ASNS: variants seen among roughly 807,000 people sequenced by gnomAD.
ASNS encodes the protein asparagine synthetase (glutamine-hydrolyzing), also known as asparagine synthetase [glutamine-hydrolyzing].
Under a neutral mutation model 62.6 loss-of-function variants are expected in ASNS, and 37 were observed. The observed-to-expected ratio is 0.59, with a 90% CI of 0.45 to 0.78. The LOEUF (loss-of-function observed/expected upper bound fraction) is 0.78, where lower values mean the gene tolerates loss of function less well. ASNS is among the 30% of genes least tolerant of loss of function. The probability of loss-of-function intolerance (pLI) is 0.00; values close to 1 mark genes in which losing one functional copy is unlikely to be tolerated. For synonymous variants in ASNS, 207 were observed against 237.9 expected (o/e 0.87, Z 1.19); for missense variants, 520 against 682.4 (o/e 0.76, Z 2.65).
the ASNS span, among the ~76,000 whole-genome samples, chr7:97,903,094 C>T: frequency 2.0e-5 from 3 of 152,144 alleles, no homozygotes; most frequent in Non-Finnish European, 2.9e-5. Context: ...GCCAAAATGT[C>T]AGCAGTGTCA....
the ASNS span, among the ~76,000 whole-genome samples, chr7:97,883,428 C>T: frequency 1.4e-4 from 22 of 151,876 alleles, no homozygotes; most frequent in African/African-American, 5.3e-4. Flanking sequence ...CCCACCCAAC[C>T]CACATTCAGT....
intron 1 of ASNS, among the ~76,000 whole-genome samples, chr7:97,870,617 C>T (rs1159155828): frequency 6.6e-6 from 1 of 152,126 alleles, no homozygotes; most frequent in African/African-American, 2.4e-5. Context: ...GACCAAATAG[C>T]CCAAATAGCC....
the ASNS span, among the ~76,000 whole-genome samples, chr7:97,896,677 T>A: frequency 1.5e-5 from 2 of 133,906 alleles, 1 homozygote; most frequent in Non-Finnish European, 3.2e-5. Flanking sequence ...TATATGTGTG[T>A]GTGTATATAT....
intron 1 of ASNS, chr7:97,870,102 T>G: frequency 2.6e-6 from 1 of 392,004 alleles, no homozygotes; most frequent in Non-Finnish European, 4.3e-6. Context: ...AATTTCAAAT[T>G]CTCAACTGTG....
the ASNS span, among the ~76,000 whole-genome samples, chr7:97,927,074 T>TAG: frequency 1.6e-5 from 1 of 62,372 alleles, no homozygotes; most frequent in Admixed American, 1.6e-4. Flanking sequence ...CACCTGGCTT[T>TAG]TTTTTTTTTT....
At chr7:97,928,382 G>C in the ASNS span, 26 of 729,094 alleles carry the variant, frequency 3.6e-5, no homozygotes, top group East Asian at 9.8e-5. Context: ...GTCTGAGCGC[G>C]GGCTCGGAGG....
At chr7:97,889,927 C>CAAAAAAAAAAAAAAAAAAAAAAACA in the ASNS span, among the ~76,000 whole-genome samples, 1 of 38,558 alleles carries the variant, frequency 2.6e-5, no homozygotes, top group Non-Finnish European at 4.3e-5. Context: ...ATAATGAATA[C>CAAAAAAAAAAAAAAAAAAAAAAACA]AAAAAAAAAA....
chr7:97,881,955 A>G, the ASNS span, among the ~76,000 whole-genome samples: 6 of 152,102 alleles, frequency 3.9e-5, no homozygotes, highest in Non-Finnish European at 8.8e-5. Context: ...GGTTCAACCG[A>G]TAACACCTGC....
chr7:97,923,907 C>G, the ASNS span, among the ~76,000 whole-genome samples: 1 of 152,188 alleles, frequency 6.6e-6, no homozygotes, highest in Non-Finnish European at 1.5e-5. Context: ...GGCAGGGACC[C>G]CTGTCCCAGC....
At chr7:97,881,034 G>A in the ASNS span, among the ~76,000 whole-genome samples, 14 of 152,208 alleles carry the variant, frequency 9.2e-5, no homozygotes, top group African/African-American at 2.4e-4. Flanking sequence ...TCTGTCTCCC[G>A]GGTTCAACCC....
At position 97,859,216 on chromosome 7, in the gene ASNS, G is replaced by C. The variant is rs765947529; in HGVS notation, c.670C>G (p.Pro224Ala). The C allele has an allele frequency of 1.3e-5, 21 of 1,600,802 alleles. No homozygotes were observed. Among genetic ancestry groups the C allele is most frequent in the African/African-American group, 2.7e-5 (2 of 74,526 alleles). ...ALYDNVEKLFPGFEIETVKNN... is the reference protein window; with the variant it reads ...ALYDNVEKLFAGFEIETVKNN... ...TAGGTGGGTGGGTGTCTGCTACCTG[G>C]AAAGAGTTTCTCCACATTGTCATAG... The change falls in exon 5 of 13, where the codon CCA becomes GCA. Residue 224 changes from proline to alanine, a missense_variant. Coordinates refer to ENST00000394308, the MANE Select transcript of ASNS (RefSeq NM_001673.5).
chr7:97,918,103 T>C, the ASNS span, among the ~76,000 whole-genome samples: 1 of 151,822 alleles, frequency 6.6e-6, no homozygotes, highest in African/African-American at 2.4e-5. Context: ...CTGGGGGGAC[T>C]GTGGGGTGGG....
chr7:97,914,037 T>C, the ASNS span, among the ~76,000 whole-genome samples: 2 of 138,800 alleles, frequency 1.4e-5, no homozygotes, highest in Non-Finnish European at 3.1e-5. Flanking sequence ...GATGGATAGA[T>C]GGGTTGGTGG....
chr7:97,916,372 A>C, the ASNS span, among the ~76,000 whole-genome samples: 2 of 151,916 alleles, frequency 1.3e-5, no homozygotes, highest in Non-Finnish European at 2.9e-5. Context: ...CAAAAGTGAA[A>C]CTCCGTCTCA....
At chr7:97,888,856 T>G in the ASNS span, among the ~76,000 whole-genome samples, 2 of 152,174 alleles carry the variant, frequency 1.3e-5, no homozygotes, top group African/African-American at 4.8e-5. Flanking sequence ...GCCTGGAGAT[T>G]GACTCATCTG....
At chr7:97,905,778 C>T in the ASNS span, among the ~76,000 whole-genome samples, 1 of 152,344 alleles carries the variant, frequency 6.6e-6, no homozygotes, top group Non-Finnish European at 1.5e-5. Context: ...TGACTCACCA[C>T]CTTCACTTGT....
chr7:97,883,936 C>T, the ASNS span, among the ~76,000 whole-genome samples: 2 of 147,948 alleles, frequency 1.4e-5, no homozygotes, highest in East Asian at 4.0e-4. Flanking sequence ...TGCAGTGAGC[C>T]GAGATCGCGC....
chr7:97,864,392 A>G lies in ASNS; in HGVS notation c.354T>C (p.Asp118=). The G allele has an allele frequency of 6.2e-7, 1 of 1,613,980 alleles. No individual in the cohort carries two copies. Residue 118 remains aspartate (D), a synonymous_variant, in exon 4 of 13, where the codon GAT becomes GAC. Coordinates refer to ENST00000394308, the MANE Select transcript of ASNS (RefSeq NM_001673.5). ...GGIEQTICML[D]GVFAFVLLDT... ...CCAGTAAAACAAATGCAAACACACC[A>G]TCCAACATACAAATTGTTTGCTCAA...
the ASNS span, among the ~76,000 whole-genome samples, chr7:97,888,484 A>G: frequency 1.2e-4 from 19 of 152,228 alleles, no homozygotes; most frequent in Non-Finnish European, 2.9e-5. Context: ...CCATTGATTT[A>G]TCCATTGTCT....
Sources: gnomAD v4.1 joint callset for allele counts (sites outside exome capture counted in the v4.1 genomes callset) on GRCh38, gnomAD v4.1.1 for gene constraint, MANE v1.5 for transcripts, NCBI Gene and HGNC (gene_info 2026-07-23, HGNC 2026-07-21) for gene names.